RMDN1: variants seen among roughly 807,000 people sequenced by gnomAD.
RMDN1 encodes regulator of microtubule dynamics protein 1.
In RMDN1, 48 loss-of-function variants were observed where a neutral mutation model predicts 48.9. The observed-to-expected ratio is 0.98, with a 90% CI of 0.78 to 1.25. The LOEUF is 1.25. Among genes scored for constraint, RMDN1 ranks in the 50% most tolerant of loss-of-function variants. The pLI, the probability that RMDN1 is intolerant of heterozygous loss-of-function variation, is 0.00. For missense variants in RMDN1, 418 were observed against 373.4 expected, an observed-to-expected ratio of 1.12 and a Z score of -0.98; for synonymous variants, 148 against 132.6, an observed-to-expected ratio of 1.12 and a Z score of -0.80.
At chr8:86,488,245 CA>C (rs1815827384) in intron 3 of RMDN1, among the ~76,000 whole-genome samples, 2 of 152,086 alleles carry the variant, frequency 1.3e-5, no homozygotes, top group South Asian at 4.1e-4. Flanking sequence ...GAGAAATATA[CA>C]ATATAGCTAG....
rs781662001 is a variant in RMDN1 at position 86,474,935 on chromosome 8, C to G, written c.779G>C (p.Ser260Thr). ...CTTTCCTAAAAGAAGTAAGTTTTTG[C>G]TGTAGAAGTTTGGATCCACTGCACA... is the stretch of plus-strand genomic sequence containing the variant. The part of the protein sequence containing the change: ...RAEQVDPNFY[S>T]KNLLLLGKTY... The change falls in exon 9 of 10, where the codon AGC becomes ACC. Residue 260 changes from serine to threonine, a missense_variant. Coordinates refer to ENST00000406452, the MANE Select transcript of RMDN1 (RefSeq NM_016033.3). 1 of 1,608,124 alleles carries G rather than the reference C, an allele frequency of 6.2e-7. No homozygotes were observed. The highest frequency in any genetic ancestry group is 2.2e-5 in the East Asian group (1 of 44,768).
intron 2 of RMDN1, among the ~76,000 whole-genome samples, chr8:86,493,397 A>G (rs537053415): frequency 1.3e-5 from 2 of 152,322 alleles, no homozygotes; most frequent in South Asian, 2.1e-4. Context: ...CATTAGTCAC[A>G]ATAGCCACGC....
In RMDN1 at chr8:86,474,941, A is replaced by G. The variant is rs770264778; in HGVS notation, c.773T>C (p.Phe258Ser). The G allele has an allele frequency of 2.5e-6, 4 of 1,607,186 alleles. No individual in the cohort carries two copies. In the South Asian group the frequency reaches 4.5e-5, roughly 18 times the overall value. ...FHRAEQVDPN[F>S]YSKNLLLLGK... is the part of the protein sequence containing the mutation. ...TAAAAGAAGTAAGTTTTTGCTGTAG[A>G]AGTTTGGATCCACTGCACATAAGAA... Residue 258 changes from phenylalanine to serine, a missense_variant, in exon 9 of 10, where the codon TTC becomes TCC. By Grantham distance (155) the Phe-to-Ser change is radical. Coordinates refer to ENST00000406452, the MANE Select transcript of RMDN1 (RefSeq NM_016033.3).
In RMDN1 at chr8:86,508,516, GC is replaced by G. The variant is rs1819782880; in HGVS notation, c.104del (p.Gly35AlafsTer10). On this transcript the variant is annotated frameshift_variant, in exon 1 of 10. Transcript: ENST00000406452. LOFTEE classifies it high-confidence loss of function. ...CCTCGAAGCCGCGGAATCGACAGGG[GC>G]CGCAATGCCCGCGGCTGCCCGAAGT... ...AGTSGSRGHC[G>X]PCRFRGFEVM... 2 of 1,561,878 alleles carry G rather than the reference GC, an allele frequency of 1.3e-6. No individual in the cohort carries two copies. Among genetic ancestry groups the G allele is most frequent in the African/African-American group, 1.4e-5 (1 of 73,794 alleles).
intron 2 of RMDN1, among the ~76,000 whole-genome samples, chr8:86,495,597 G>A (rs1264731157): frequency 6.6e-6 from 1 of 152,094 alleles, no homozygotes; most frequent in Non-Finnish European, 1.5e-5. Context: ...ATCCTTGTCT[G>A]CCAGCCTCTC....
chr8:86,477,232 G>A (rs543394266), intron 8 of RMDN1, 62 bp downstream of exon 8: 6 of 1,167,254 alleles, frequency 5.1e-6, no homozygotes, highest in Admixed American at 2.3e-5. Flanking sequence ...TGCTATTATA[G>A]TATATATTCA....
At chr8:86,507,154 T>G in intron 1 of RMDN1, 42 bp from the exon 2 acceptor site, 1 of 1,250,406 alleles carries the variant, frequency 8.0e-7, no homozygotes, top group Admixed American at 1.8e-5. Flanking sequence ...CTTTGAAAAT[T>G]TGAAGGTACT....
At chr8:86,510,609 C>T (rs1209435202), upstream of RMDN1, among the ~76,000 whole-genome samples, 1 of 152,168 alleles carries the variant, frequency 6.6e-6, no homozygotes, top group African/African-American at 2.4e-5. Flanking sequence ...TATCTGACTG[C>T]AACATCAAGA....
intron 3 of RMDN1, among the ~76,000 whole-genome samples, chr8:86,487,106 T>A (rs12546802): frequency 0.27 from 40,710 of 152,142 alleles, 6,320 homozygotes; most frequent in East Asian, 0.53. Context: ...GACACAAAAT[T>A]GTTTTTGACA....
chr8:86,474,930 T>C lies in RMDN1; in HGVS notation c.784A>G (p.Asn262Asp). Residue 262 changes from asparagine (N) to aspartate (D), a missense_variant, in exon 9 of 10, where the codon AAC (asparagine) becomes GAC (aspartate). Transcript: ENST00000406452. ...TATGTCTTTCCTAAAAGAAGTAAGT[T>C]TTTGCTGTAGAAGTTTGGATCCACT... ...EQVDPNFYSK[N>D]LLLLGKTYLK... 6.2e-7 allele frequency: 1 copy of C among 1,609,916 alleles called. No individual in the cohort carries two copies. The highest frequency in any genetic ancestry group is 8.5e-7 in the Non-Finnish European group (1 of 1,178,894).
chr8:86,476,228 TAAAA>T (rs917749796), intron 8 of RMDN1, among the ~76,000 whole-genome samples: 3 of 152,212 alleles, frequency 2.0e-5, no homozygotes, highest in Non-Finnish European at 2.9e-5. Flanking sequence ...TTAAATCTGT[TAAAA>T]AAAGTCATCC....
In RMDN1 at chr8:86,508,636, G is replaced by A. The variant is rs1031190645; in HGVS notation, c.-16C>T. On this transcript the variant is annotated 5_prime_UTR_variant, in exon 1 of 10. Transcript: ENST00000406452. The stretch of plus-strand genomic sequence containing the variant: ...CCAGCGCCATGACCTGCAACTTGCG[G>A]GCTGACCCTGCACTACTTCAGGCAG... The A allele has an allele frequency of 2.5e-6, 4 of 1,595,028 alleles. No homozygotes were observed. The highest frequency in any genetic ancestry group is 1.1e-5 in the South Asian group (1 of 89,976).
chr8:86,474,466 G>A, intron 9 of RMDN1, 108 bp from the exon 10 acceptor site: 1 of 883,240 alleles, frequency 1.1e-6, no homozygotes, highest in Non-Finnish European at 1.9e-6. Flanking sequence ...AAACCAGATA[G>A]GACATTATAA....
downstream of RMDN1, chr8:86,472,278 T>C: frequency 1.6e-6 from 1 of 608,810 alleles, no homozygotes; most frequent in Non-Finnish European, 2.9e-6. Context: ...TTCAAAACTT[T>C]CTGAGCACCA....
chr8:86,479,364 A>C (rs572716734), intron 6 of RMDN1, among the ~76,000 whole-genome samples: 10 of 152,330 alleles, frequency 6.6e-5, no homozygotes, highest in Admixed American at 2.0e-4. Flanking sequence ...AAAAACTCAG[A>C]GAAGTTAAAC....
intron 2 of RMDN1, chr8:86,503,685 T>C (rs1393662911): frequency 4.2e-6 from 2 of 473,252 alleles, no homozygotes; most frequent in Non-Finnish European, 8.4e-6. Flanking sequence ...CCTGAGATGA[T>C]CATAAAGGAA....
In RMDN1 at chr8:86,485,696, C is replaced by A. The variant is rs372391670; in HGVS notation, c.496-735G>T. On this transcript the variant is annotated intron_variant, in intron 4 of 9. Coordinates refer to ENST00000406452, the MANE Select transcript of RMDN1 (RefSeq NM_016033.3). ...AACTGTGACCTTGTCTCCACAGCCACAGTTGGACGGCAGACCCAAACTGAG... is the reference window on the plus strand; with the variant it reads ...AACTGTGACCTTGTCTCCACAGCCAAAGTTGGACGGCAGACCCAAACTGAG... 1.1e-4 allele frequency among the ~76,000 whole-genome samples: 16 copies of A among 152,066 alleles called. No homozygotes were observed. The East Asian group carries it at 1.7e-3, about 16-fold the overall frequency.
chr8:86,498,641 C>T (rs978780770), intron 2 of RMDN1, among the ~76,000 whole-genome samples: 10 of 150,632 alleles, frequency 6.6e-5, no homozygotes, highest in African/African-American at 1.9e-4. Context: ...ATTACCCAGG[C>T]GTAGTGGTAT....
intron 2 of RMDN1, chr8:86,503,734 T>C: frequency 2.1e-6 from 1 of 482,412 alleles, no homozygotes. Context: ...CAAATATCCC[T>C]CCCTCTGAGA....
Sources: gnomAD v4.1 joint callset for allele counts (sites outside exome capture counted in the v4.1 genomes callset) on GRCh38, gnomAD v4.1.1 for gene constraint, MANE v1.5 for transcripts, NCBI Gene and HGNC (gene_info 2026-07-23, HGNC 2026-07-21) for gene names.